Variants in CCDC30 observed in about 807,000 individuals in gnomAD.
CCDC30 encodes the protein coiled-coil domain containing 30.
Under a neutral mutation model 100.2 loss-of-function variants are expected in CCDC30, and 70 were observed. That is an observed-to-expected ratio of 0.70 (90% CI 0.58 to 0.85). The LOEUF is 0.85. Ranked by LOEUF, CCDC30 falls within the 40% of genes least tolerant of loss-of-function variation. CCDC30 has a pLI of 0.00. For synonymous variants in CCDC30, 233 were observed against 269.5 expected (o/e 0.86, Z 1.33); for missense variants, 652 against 771.2 (o/e 0.85, Z 1.83).
At chr1:42,532,546 A>G (rs980996319) in intron 6 of CCDC30, among the ~76,000 whole-genome samples, 1 of 152,228 alleles carries the variant, frequency 6.6e-6, no homozygotes, top group African/African-American at 2.4e-5. Context: ...TATATTGAGC[A>G]TCTATCATGT....
In CCDC30 at chr1:42,596,753, ACAAAC is replaced by A. The variant is rs752806996; in HGVS notation, c.1164+7271_1164+7275del. Reference sequence around the variant, plus strand: ...AAAAGGCAAAAAAACAAACAAACAAACAAACAAAAACAGTTTGAACAGACAGAGCA... The same window carrying A: ...AAAAGGCAAAAAAACAAACAAACAAAAAAAACAGTTTGAACAGACAGAGCA... On this transcript the variant is annotated intron_variant, in intron 10 of 16. Transcript: ENST00000668663. This position sits in a 1 kb window ranked among gnomAD's most constrained non-coding sequence, Gnocchi z 4.3. 7.7e-5 allele frequency among the ~76,000 whole-genome samples: 7 copies of A among 90,630 alleles called. No homozygotes were observed. Among genetic ancestry groups the A allele is most frequent in the East Asian group, 3.1e-4 (1 of 3,228 alleles). The allele number at this position is 90,630 out of a possible 152,430, so 59.5% of individuals were successfully genotyped here.
intron 6 of CCDC30, among the ~76,000 whole-genome samples, chr1:42,513,422 G>A (rs1023895922): frequency 3.9e-5 from 6 of 152,100 alleles, no homozygotes; most frequent in African/African-American, 9.7e-5. Flanking sequence ...ATGCAAATGG[G>A]TTTTCTACTT....
At chr1:42,569,652 T>G (rs1430709301) in intron 7 of CCDC30, among the ~76,000 whole-genome samples, 1 of 152,196 alleles carries the variant, frequency 6.6e-6, no homozygotes, top group Non-Finnish European at 1.5e-5. Context: ...TTATAAATCA[T>G]TCTACTATAA....
At chr1:42,566,741 G>A (rs1300578750) in intron 7 of CCDC30, among the ~76,000 whole-genome samples, 6 of 152,024 alleles carry the variant, frequency 3.9e-5, no homozygotes, top group South Asian at 2.1e-4. Context: ...TCAGTGACCC[G>A]AGCCCTAAAC....
rs112980392 is a variant in CCDC30, at chr1:42,564,326, G to GTT, written c.457-1963_457-1962dup. 5.1e-3 allele frequency among the ~76,000 whole-genome samples: 781 copies of GTT among 151,750 alleles called. 4 individuals are homozygous for GTT. Among genetic ancestry groups the GTT allele is most frequent in the African/African-American group, 0.018 (731 of 41,374 alleles). ...TTTTACAGCTTTATTCAGGATTTTT[G>GTT]TTTTTTTTGAGACAGAGTCTCTGTC... On this transcript the variant is annotated intron_variant, in intron 6 of 16. Transcript: ENST00000668663.
intron 6 of CCDC30, among the ~76,000 whole-genome samples, chr1:42,551,901 C>T (rs569826261): frequency 1.1e-4 from 16 of 151,866 alleles, no homozygotes; most frequent in Admixed American, 9.2e-4. Context: ...ACCACAGGCA[C>T]ATAGGTACAT....
At chr1:42,465,934 C>T (rs1268361313) in intron 1 of CCDC30, among the ~76,000 whole-genome samples, 1 of 152,138 alleles carries the variant, frequency 6.6e-6, no homozygotes, top group South Asian at 2.1e-4. Context: ...TAGCTGTGTA[C>T]ATTTTTACAT....
chr1:42,505,480 T>C (rs1246950171), intron 6 of CCDC30, among the ~76,000 whole-genome samples: 1 of 152,228 alleles, frequency 6.6e-6, no homozygotes, highest in Non-Finnish European at 1.5e-5. Flanking sequence ...TTTTGGAGCA[T>C]AATTTTTTTC....
intron 9 of CCDC30, among the ~76,000 whole-genome samples, chr1:42,584,647 A>T (rs1032930552): frequency 6.6e-6 from 1 of 152,178 alleles, no homozygotes; most frequent in Non-Finnish European, 1.5e-5. Context: ...ATTGGATGTT[A>T]TTGTTGTTAC....
chr1:42,634,368 G>A (rs547709766), intron 11 of CCDC30, among the ~76,000 whole-genome samples: 1 of 152,148 alleles, frequency 6.6e-6, no homozygotes, highest in Admixed American at 6.5e-5. Flanking sequence ...ACTGGCATCT[G>A]GTGGGTGGGG....
intron 6 of CCDC30, among the ~76,000 whole-genome samples, chr1:42,547,953 G>A (rs1645177892): frequency 6.6e-6 from 1 of 152,198 alleles, no homozygotes; most frequent in Non-Finnish European, 1.5e-5. Context: ...TCTGGCCCAG[G>A]CTAATGAATC....
intron 1 of CCDC30, chr1:42,473,052 A>C: frequency 8.2e-7 from 1 of 1,213,538 alleles, no homozygotes; most frequent in Non-Finnish European, 1.0e-6. Context: ...TGGCACCCAC[A>C]TAGATATCTT....
chr1:42,456,491 G>C, the CCDC30 span: 1 of 1,396,710 alleles, frequency 7.2e-7, no homozygotes. Context: ...GGCGCGGCGC[G>C]TACACCAGGT....
chr1:42,593,507 G>A (rs1646227593), intron 10 of CCDC30: 2 of 152,218 alleles, frequency 1.3e-5, no homozygotes, highest in South Asian at 2.1e-4. Context: ...AGGCATGATT[G>A]GTTAAATCAT....
chr1:42,557,248 A>G (rs1419474280), intron 6 of CCDC30, among the ~76,000 whole-genome samples: 1 of 152,234 alleles, frequency 6.6e-6, no homozygotes, highest in East Asian at 1.9e-4. Flanking sequence ...TCAGATACAG[A>G]GTTTGAAAAC....
chr1:42,604,763 A>G (rs1253105240), intron 10 of CCDC30, among the ~76,000 whole-genome samples: 2 of 152,204 alleles, frequency 1.3e-5, no homozygotes, highest in East Asian at 3.9e-4. Context: ...AAGATCACAT[A>G]CTTGTGTCAG....
intron 6 of CCDC30, among the ~76,000 whole-genome samples, chr1:42,532,483 A>G (rs548913544): frequency 6.6e-6 from 1 of 152,240 alleles, no homozygotes; most frequent in Non-Finnish European, 1.5e-5. Context: ...CTCAGAGAAC[A>G]TGCTTAAAAT....
intron 2 of CCDC30, among the ~76,000 whole-genome samples, chr1:42,482,426 C>T (rs920825317): frequency 9.9e-5 from 15 of 152,044 alleles, no homozygotes; most frequent in Non-Finnish European, 1.6e-4. Context: ...GGTTGAACCA[C>T]ATGAAACCAA....
chr1:42,597,440 A>G (rs189109855), intron 10 of CCDC30, among the ~76,000 whole-genome samples: 1 of 152,198 alleles, frequency 6.6e-6, no homozygotes, highest in African/African-American at 2.4e-5. Context: ...CCTTACTCAG[A>G]GAGGAACAAA....
Sources: allele counts gnomAD v4.1 joint callset (sites outside exome capture counted in the v4.1 genomes callset), GRCh38; gene constraint gnomAD v4.1.1; non-coding constraint Gnocchi (gnomAD v3.1); transcripts MANE v1.5; gene names NCBI Gene and HGNC (gene_info 2026-07-23, HGNC 2026-07-21).